The following PRKN variants were observed in gnomAD, a reference collection of about 807,000 sequenced individuals.
The protein encoded by PRKN is parkin RBR E3 ubiquitin protein ligase, also known as E3 ubiquitin-protein ligase parkin.
In PRKN, 56 loss-of-function variants were observed where a neutral mutation model predicts 59.5. That is an observed-to-expected ratio of 0.94 (90% CI 0.76 to 1.18). PRKN has a LOEUF of 1.18. Ranked by LOEUF, PRKN falls within the 50% of genes most tolerant of loss-of-function variation. The pLI, the probability that PRKN is intolerant of heterozygous loss-of-function variation, is 0.00. For synonymous variants in PRKN, 250 were observed against 222.1 expected, an observed-to-expected ratio of 1.13 and a Z score of -1.12; for missense variants, 657 against 596.4, an observed-to-expected ratio of 1.10 and a Z score of -1.06.
chr6:162,449,702 T>A (rs1201374149), intron 1 of PRKN, among the ~76,000 whole-genome samples: 1 of 152,224 alleles, frequency 6.6e-6, no homozygotes, highest in Non-Finnish European at 1.5e-5. Context: ...TGAAGATCTT[T>A]GTGACAGGAA....
At chr6:162,711,001 A>G (rs895997700) in intron 1 of PRKN, among the ~76,000 whole-genome samples, 11 of 152,170 alleles carry the variant, frequency 7.2e-5, no homozygotes, top group Non-Finnish European at 1.3e-4. Context: ...CCCCCACTCC[A>G]CTACTGGAAA....
At chr6:161,943,232 T>C (rs927980005) in intron 6 of PRKN, among the ~76,000 whole-genome samples, 2 of 152,226 alleles carry the variant, frequency 1.3e-5, no homozygotes, top group Non-Finnish European at 2.9e-5. Flanking sequence ...GCCTTCTTTA[T>C]GAAGTTGACG....
intron 1 of PRKN, among the ~76,000 whole-genome samples, chr6:162,693,946 G>C (rs1777873433): frequency 6.6e-6 from 1 of 152,062 alleles, no homozygotes; most frequent in Non-Finnish European, 1.5e-5. Context: ...GGAGGAATTT[G>C]GTACTTAAAA....
chr6:162,482,376 C>T (rs1451900877), intron 1 of PRKN, among the ~76,000 whole-genome samples: 1 of 152,140 alleles, frequency 6.6e-6, no homozygotes, highest in African/African-American at 2.4e-5. Context: ...AGCAAGTGCA[C>T]TTGAAGAAAT....
In PRKN at chr6:162,382,158, T is replaced by C. The variant is rs79746195; in HGVS notation, c.171+61152A>G. ...ACTCAGAGTCATAAATAAGGTTAAA[T>C]AGTACAAGACGTATTTAGTCACCTA... On this transcript the variant is annotated intron_variant, in intron 2 of 11. Transcript: ENST00000366898. Among the ~76,000 whole-genome samples the C allele has an allele frequency of 4.1e-3, 621 of 152,306 alleles. 6 individuals carry two copies. The highest frequency in any genetic ancestry group is 0.014 in the African/African-American group (597 of 41,560).
intron 4 of PRKN, among the ~76,000 whole-genome samples, chr6:162,084,385 T>A (rs1001273034): frequency 1.3e-5 from 2 of 152,164 alleles, no homozygotes; most frequent in South Asian, 2.1e-4. Context: ...AGACGCTGCC[T>A]CCATGGGACC....
Position 161,360,273 on chromosome 6 carries a change from C to T in PRKN, c.1168-68G>A. The T allele has an allele frequency of 8.0e-7, 1 of 1,255,394 alleles. No individual in the cohort carries two copies. Among genetic ancestry groups the T allele is most frequent in the Admixed American group, 1.7e-5 (1 of 59,526 alleles). 77.8% of individuals were successfully genotyped at this position (1,255,394 alleles called of 1,614,324 possible). On this transcript the variant is annotated intron_variant, in intron 10 of 11. Coordinates refer to ENST00000366898, the MANE Select transcript of PRKN (RefSeq NM_004562.3). The surrounding 1 kb of genome is among the most constrained non-coding windows in gnomAD (Gnocchi z 5.1). ...TTACTGGGATCAGAGTTTATGTTCC[C>T]TGTACGTCGGTACAGGAAATTCTTG...
intron 2 of PRKN, among the ~76,000 whole-genome samples, chr6:162,296,512 A>G (rs1781685994): frequency 6.6e-6 from 1 of 152,008 alleles, no homozygotes; most frequent in African/African-American, 2.4e-5. Flanking sequence ...CCCACTCTGG[A>G]CCCTAAGTAA....
At chr6:162,476,506 T>C (rs1176951091) in intron 1 of PRKN, among the ~76,000 whole-genome samples, 3 of 152,142 alleles carry the variant, frequency 2.0e-5, no homozygotes, top group Non-Finnish European at 4.4e-5. Context: ...GTAAATCTTC[T>C]CAATCCCGTT....
intron 6 of PRKN, among the ~76,000 whole-genome samples, chr6:161,959,943 T>C (rs189423186): frequency 1.7e-4 from 26 of 152,342 alleles, no homozygotes; most frequent in Non-Finnish European, 3.1e-4. Flanking sequence ...GCTGTTCTTA[T>C]GACCTCCATC....
intron 4 of PRKN, among the ~76,000 whole-genome samples, chr6:162,186,430 GT>G (rs1784035498): frequency 1.3e-5 from 2 of 150,992 alleles, no homozygotes; most frequent in African/African-American, 2.4e-5. Context: ...AGATTGGTTT[GT>G]TGGAGTGAGT....
chr6:162,121,974 G>T lies in PRKN; in HGVS notation c.535-67800C>A, dbSNP rs1456199585. Among the ~76,000 whole-genome samples, 2 of 152,176 alleles carry T rather than the reference G, an allele frequency of 1.3e-5. 1 individual carries two copies. Among genetic ancestry groups the T allele is most frequent in the Admixed American group, 1.3e-4 (2 of 15,280 alleles). On this transcript the variant is annotated intron_variant, in intron 4 of 11. Coordinates refer to ENST00000366898, the MANE Select transcript of PRKN (RefSeq NM_004562.3). The stretch of plus-strand genomic sequence containing the variant: ...ATTATTTGGTGATCATTAGGGGTCT[G>T]GTTGGAAGGTAAGGGGCTTGGAAAG...
chr6:162,551,100 T>C (rs998063649), intron 1 of PRKN, among the ~76,000 whole-genome samples: 2 of 152,170 alleles, frequency 1.3e-5, no homozygotes, highest in Non-Finnish European at 2.9e-5. Context: ...TAGGCCTTCG[T>C]GAATATTCCT....
At chr6:162,108,259 A>G (rs1016734148) in intron 4 of PRKN, among the ~76,000 whole-genome samples, 2 of 152,196 alleles carry the variant, frequency 1.3e-5, no homozygotes, top group African/African-American at 4.8e-5. Flanking sequence ...CAGAAGACAC[A>G]GCCCTTTACA....
At chr6:162,603,474 T>A (rs1781788184) in intron 1 of PRKN, among the ~76,000 whole-genome samples, 2 of 152,212 alleles carry the variant, frequency 1.3e-5, no homozygotes, top group Non-Finnish European at 2.9e-5. Flanking sequence ...TGTCTTTGAC[T>A]GCCTTTGCAT....
chr6:162,600,647 T>C (rs1362319300), intron 1 of PRKN, among the ~76,000 whole-genome samples: 3 of 152,122 alleles, frequency 2.0e-5, no homozygotes, highest in East Asian at 1.9e-4. Flanking sequence ...GGGAGGTGCA[T>C]AGATCATGGG....
At chr6:162,559,002 T>C (rs551661247) in intron 1 of PRKN, among the ~76,000 whole-genome samples, 1 of 152,032 alleles carries the variant, frequency 6.6e-6, no homozygotes. Flanking sequence ...ATACAAAAAA[T>C]TAGCTGGGCA....
At chr6:161,542,217 T>A (rs1696331857) in intron 9 of PRKN, among the ~76,000 whole-genome samples, 1 of 152,240 alleles carries the variant, frequency 6.6e-6, no homozygotes, top group Admixed American at 6.5e-5. Context: ...ACATGTGACA[T>A]ACAAAATACC....
intron 9 of PRKN, among the ~76,000 whole-genome samples, chr6:161,482,813 A>T (rs1025258085): frequency 3.9e-5 from 6 of 152,202 alleles, no homozygotes; most frequent in Non-Finnish European, 8.8e-5. Context: ...AGGGTTTCCT[A>T]GAGGACTTGC....
Sources: allele counts gnomAD v4.1 joint callset (sites outside exome capture counted in the v4.1 genomes callset), GRCh38; gene constraint gnomAD v4.1.1; non-coding constraint Gnocchi (gnomAD v3.1); transcripts MANE v1.5; gene names NCBI Gene and HGNC (gene_info 2026-07-23, HGNC 2026-07-21).